Variants in NAP1L1 observed in about 807,000 individuals in gnomAD.
The protein encoded by NAP1L1 is nucleosome assembly protein 1 like 1.
Under a neutral mutation model 58.9 loss-of-function variants are expected in NAP1L1, and 9 were observed. That is an observed-to-expected ratio of 0.15 (90% CI 0.09 to 0.27). The LOEUF is 0.27. NAP1L1 is among the 10% of genes least tolerant of loss of function. NAP1L1 has a pLI of 1.00. For missense variants in NAP1L1, 302 were observed against 458.8 expected (o/e 0.66, Z 3.12); for synonymous variants, 130 against 138.3 (o/e 0.94, Z 0.42).
intron 11 of NAP1L1, among the ~76,000 whole-genome samples, chr12:76,051,496 A>G (rs1948826657): frequency 6.6e-6 from 1 of 152,186 alleles, no homozygotes; most frequent in Non-Finnish European, 1.5e-5. Flanking sequence ...ATCCCAAATG[A>G]GACAGTCCTA....
Position 76,043,116 on chromosome 12 carries a change from T to C in NAP1L1, c.*5313A>G, listed in dbSNP as rs1408147929. On this transcript the variant is annotated 3_prime_UTR_variant, in exon 15 of 15. Transcript: ENST00000618691. Reference sequence around the variant, plus strand: ...ACTGCTGCTGCCACGTCATTTAACTTACTTTTTCAGTTGCATATATATGAC... The same window carrying C: ...ACTGCTGCTGCCACGTCATTTAACTCACTTTTTCAGTTGCATATATATGAC... 1.3e-5 allele frequency: 2 copies of C among 152,188 alleles called. No individual in the cohort carries two copies. The highest frequency in any genetic ancestry group is 6.5e-5 in the Admixed American group (1 of 15,288). 9.4% of individuals were successfully genotyped at this position (152,188 alleles called of 1,614,324 possible).
chr12:76,046,595 T>G lies in NAP1L1; in HGVS notation c.*1834A>C, dbSNP rs1010136013. On this transcript the variant is annotated 3_prime_UTR_variant, in exon 15 of 15. Transcript: ENST00000618691. ...AAGGATTTCCAGTAGTAAGTTAAAA[T>G]CTCAGGAGAGGAATGGATAGCACTA... is the stretch of plus-strand genomic sequence containing the variant. The G allele has an allele frequency of 1.8e-4, 27 of 152,498 alleles. No individual in the cohort carries two copies. The highest frequency in any genetic ancestry group is 6.0e-4 in the African/African-American group (25 of 41,526). The allele number at this position is 152,498 out of a possible 1,614,324, so 9.4% of individuals were successfully genotyped here.
chr12:76,050,718 G>A (rs1244230689), intron 11 of NAP1L1, 65 bp from the exon 12 acceptor site: 2 of 1,539,986 alleles, frequency 1.3e-6, no homozygotes, highest in African/African-American at 1.4e-5. Flanking sequence ...TTTGGCACAT[G>A]TAAGACTCTT....
chr12:76,049,544 A>C lies in NAP1L1; in HGVS notation c.1089+212T>G, dbSNP rs1434130899. On this transcript the variant is annotated intron_variant, in intron 13 of 14. Coordinates refer to ENST00000618691, the MANE Select transcript of NAP1L1 (RefSeq NM_004537.7). ...GATAACCCTGCAGCAGAACAAAATTATTTGAAATAAAAAAATGTTGCTGAG... is the reference window on the plus strand; with the variant it reads ...GATAACCCTGCAGCAGAACAAAATTCTTTGAAATAAAAAAATGTTGCTGAG... 2.0e-6 allele frequency: 3 copies of C among 1,534,398 alleles called. No homozygotes were observed. The African/African-American group carries it at 4.1e-5, about 21-fold the overall frequency.
intron 4 of NAP1L1, among the ~76,000 whole-genome samples, chr12:76,065,447 T>C (rs1342589903): frequency 6.6e-6 from 1 of 151,976 alleles, no homozygotes; most frequent in Non-Finnish European, 1.5e-5. Flanking sequence ...TGCCATTATT[T>C]GCAGATAAAA....
Position 76,053,193 on chromosome 12 carries a change from A to T in NAP1L1, c.916+12T>A. The T allele has an allele frequency of 1.2e-6, 2 of 1,613,468 alleles. No homozygotes were observed. Among genetic ancestry groups the T allele is most frequent in the Non-Finnish European group, 1.7e-6 (2 of 1,179,744 alleles). ...AAACAACCGTTAATACTCAAGCTAAAACATTATTTACCTTCAGGAGGGGCA... is the reference window on the plus strand; with the variant it reads ...AAACAACCGTTAATACTCAAGCTAATACATTATTTACCTTCAGGAGGGGCA... On this transcript the variant is annotated intron_variant, in intron 10 of 14. Coordinates refer to ENST00000618691, the MANE Select transcript of NAP1L1 (RefSeq NM_004537.7).
intron 1 of NAP1L1, chr12:76,074,475 A>G: frequency 2.4e-6 from 1 of 422,798 alleles, no homozygotes; most frequent in Non-Finnish European, 3.2e-6. Context: ...GTTACCACTA[A>G]GCTTTTAGAA....
chr12:76,049,323 T>C, intron 13 of NAP1L1, 73 bp from the exon 14 acceptor site: 16 of 1,609,092 alleles, frequency 9.9e-6, no homozygotes, highest in Non-Finnish European at 1.4e-5. Flanking sequence ...GTAGGGAAAA[T>C]TTAATACAAG....
chr12:76,046,535 T>C lies in NAP1L1; in HGVS notation c.*1894A>G, dbSNP rs376006145. 15 of 152,458 alleles carry C rather than the reference T, an allele frequency of 9.8e-5. No individual in the cohort carries two copies. The South Asian group carries it at 2.5e-3, about 25-fold the overall frequency. The allele number at this position is 152,458 out of a possible 1,614,324, so 9.4% of individuals were successfully genotyped here. A position where few individuals can be genotyped will look rare whatever the true frequency, so the allele number is the denominator to read the frequency against. The stretch of plus-strand genomic sequence containing the variant: ...TCTAATCAAAGCAAAGGAAATCATT[T>C]TGAAAATAAAGAAAAAAAGCTATTA... On this transcript the variant is annotated 3_prime_UTR_variant, in exon 15 of 15. Coordinates refer to ENST00000618691, the MANE Select transcript of NAP1L1 (RefSeq NM_004537.7).
chr12:76,053,072 A>G lies in NAP1L1; in HGVS notation c.936+19T>C, dbSNP rs904024955. The G allele has an allele frequency of 1.9e-6, 3 of 1,593,906 alleles. No homozygotes were observed. Among genetic ancestry groups the G allele is most frequent in the East Asian group, 2.2e-5 (1 of 44,732 alleles). On this transcript the variant is annotated intron_variant, in intron 11 of 14. Coordinates refer to ENST00000618691, the MANE Select transcript of NAP1L1 (RefSeq NM_004537.7). ...AAATATACTTAACAATTCAATAAATATATAACAATTCAACTTACCAGATCT... is the reference window on the plus strand; with the variant it reads ...AAATATACTTAACAATTCAATAAATGTATAACAATTCAACTTACCAGATCT...
At chr12:76,062,037 C>G (rs7299063) in intron 4 of NAP1L1, among the ~76,000 whole-genome samples, 1 of 152,068 alleles carries the variant, frequency 6.6e-6, no homozygotes, top group South Asian at 2.1e-4. Context: ...ATGGCCACAG[C>G]AGGTAGCAGT....
intron 2 of NAP1L1, among the ~76,000 whole-genome samples, chr12:76,072,189 A>G (rs1413841349): frequency 6.6e-6 from 1 of 150,528 alleles, no homozygotes; most frequent in Non-Finnish European, 1.5e-5. Flanking sequence ...TCCTAGATTG[A>G]GACCAAAACA....
chr12:76,060,544 T>C (rs548347260), intron 4 of NAP1L1, among the ~76,000 whole-genome samples: 3 of 152,336 alleles, frequency 2.0e-5, no homozygotes, highest in East Asian at 1.9e-4. Context: ...AAGTTAAGTG[T>C]TGGACTTGTC....
chr12:76,065,937 A>C (rs911057440), intron 4 of NAP1L1, among the ~76,000 whole-genome samples: 1 of 151,814 alleles, frequency 6.6e-6, no homozygotes, highest in African/African-American at 2.4e-5. Context: ...GACAAAGACC[A>C]ATAAAACATA....
intron 1 of NAP1L1, among the ~76,000 whole-genome samples, chr12:76,074,605 G>C (rs904266042): frequency 2.2e-4 from 33 of 152,154 alleles, no homozygotes; most frequent in African/African-American, 7.7e-4. Context: ...CAACAATCAA[G>C]AAAGGTCAAT....
chr12:76,047,461 T>C lies in NAP1L1; in HGVS notation c.*968A>G, dbSNP rs1948637551. ...TTTTTTTTACACTTGCTTATTAGTA[T>C]AGCATCTCGTTCCAAAGCTGGTACC... On this transcript the variant is annotated 3_prime_UTR_variant, in exon 15 of 15. Coordinates refer to ENST00000618691, the MANE Select transcript of NAP1L1 (RefSeq NM_004537.7). 2 of 150,724 alleles carry C rather than the reference T, an allele frequency of 1.3e-5. No individual in the cohort carries two copies. Among genetic ancestry groups the C allele is most frequent in the Non-Finnish European group, 1.5e-5 (1 of 67,554 alleles). The allele number at this position is 150,724 out of a possible 1,614,324, so 9.3% of individuals were successfully genotyped here.
At chr12:76,057,900 C>T in intron 6 of NAP1L1, 2 of 1,287,414 alleles carry the variant, frequency 1.6e-6, no homozygotes, top group Non-Finnish European at 2.2e-6. Flanking sequence ...GCCAAAATTC[C>T]CAGAGCAAAG....
intron 2 of NAP1L1, 164 bp downstream of exon 2, chr12:76,074,039 T>C: frequency 1.7e-6 from 1 of 590,334 alleles, no homozygotes; most frequent in Admixed American, 2.9e-5. Flanking sequence ...TGATCATATA[T>C]TCTATATTTT....
intron 7 of NAP1L1, among the ~76,000 whole-genome samples, chr12:76,055,802 G>A (rs542813743): frequency 4.6e-5 from 7 of 152,210 alleles, no homozygotes; most frequent in Admixed American, 2.6e-4. Context: ...AACACCAGTC[G>A]ATAATGAGCC....
Sources: allele counts gnomAD v4.1 joint callset (sites outside exome capture counted in the v4.1 genomes callset), GRCh38; gene constraint gnomAD v4.1.1; transcripts MANE v1.5; gene names NCBI Gene and HGNC (gene_info 2026-07-23, HGNC 2026-07-21).